Variants in RGS8 observed in about 807,000 individuals in gnomAD.
RGS8 encodes the protein regulator of G protein signaling 8, also known as regulator of G-protein signaling 8.
In RGS8, 8 loss-of-function variants were observed where a neutral mutation model predicts 21.7. The observed-to-expected ratio is 0.37, with a 90% confidence interval of 0.22 to 0.66. The LOEUF (loss-of-function observed/expected upper bound fraction) is 0.66. RGS8 is among the 30% of genes least tolerant of loss of function. The pLI is 0.59. For synonymous variants in RGS8, 80 were observed against 83.6 expected, an observed-to-expected ratio of 0.96 and a Z score of 0.24; for missense variants, 157 against 217.9, an observed-to-expected ratio of 0.72 and a Z score of 1.76.
At chr1:182,651,778 G>A (rs918806340) in intron 5 of RGS8, among the ~76,000 whole-genome samples, 6 of 152,218 alleles carry the variant, frequency 3.9e-5, no homozygotes, top group Non-Finnish European at 8.8e-5. Context: ...AGGGACCCCT[G>A]AGGCAGAGGC....
the RGS8 span, among the ~76,000 whole-genome samples, chr1:182,727,537 C>A: frequency 1.3e-5 from 2 of 152,096 alleles, no homozygotes; most frequent in Non-Finnish European, 2.9e-5. Context: ...AAAAATAGAA[C>A]CTTTTCTTGA....
chr1:182,664,540 A>T (rs759522948), intron 5 of RGS8, among the ~76,000 whole-genome samples: 1 of 152,226 alleles, frequency 6.6e-6, no homozygotes, highest in Non-Finnish European at 1.5e-5. Flanking sequence ...GAAGGCGTAC[A>T]TTGGTAGTGA....
At chr1:182,669,670 A>G in exon 3 of RGS8, 2 of 1,614,230 alleles carry the variant, frequency 1.2e-6, no homozygotes, top group South Asian at 2.2e-5. Flanking sequence ...GCTTACGGTT[A>G]ACCCTTGGGC....
upstream of RGS8, among the ~76,000 whole-genome samples, chr1:182,674,490 C>T (rs1664293852): frequency 1.3e-5 from 2 of 151,868 alleles, no homozygotes; most frequent in Admixed American, 1.3e-4. Context: ...TCAAAACACT[C>T]CTAAATGCCA....
At chr1:182,707,802 G>A in the RGS8 span, among the ~76,000 whole-genome samples, 1 of 152,116 alleles carries the variant, frequency 6.6e-6, no homozygotes, top group South Asian at 2.1e-4. Context: ...TGCCTCCCGG[G>A]TTCACACCAT....
the RGS8 span, among the ~76,000 whole-genome samples, chr1:182,745,051 C>G: frequency 6.6e-6 from 1 of 152,254 alleles, no homozygotes; most frequent in East Asian, 1.9e-4. Flanking sequence ...GACTAATGAA[C>G]AAATTACTAA....
At chr1:182,713,858 A>T in the RGS8 span, among the ~76,000 whole-genome samples, 1 of 152,244 alleles carries the variant, frequency 6.6e-6, no homozygotes, top group African/African-American at 2.4e-5. Context: ...CACTTTTTAA[A>T]GTAATTTTTT....
At chr1:182,740,943 C>T in the RGS8 span, among the ~76,000 whole-genome samples, 1 of 152,042 alleles carries the variant, frequency 6.6e-6, no homozygotes, top group Admixed American at 6.5e-5. Context: ...AAAAGTCTCC[C>T]ATGTCTACCT....
chr1:182,737,495 T>A, the RGS8 span, among the ~76,000 whole-genome samples: 3 of 152,216 alleles, frequency 2.0e-5, no homozygotes, highest in African/African-American at 7.2e-5. Flanking sequence ...GCTGTTCTCA[T>A]GATAGCAAAT....
chr1:182,694,506 T>A, the RGS8 span, among the ~76,000 whole-genome samples: 2 of 152,132 alleles, frequency 1.3e-5, no homozygotes, highest in Non-Finnish European at 2.9e-5. Flanking sequence ...AGTAAGAACA[T>A]TAAAAAATGC....
At chr1:182,709,383 TC>T in the RGS8 span, among the ~76,000 whole-genome samples, 1 of 151,988 alleles carries the variant, frequency 6.6e-6, no homozygotes, top group Non-Finnish European at 1.5e-5. Context: ...CACACACACA[TC>T]CTTTCCATAC....
At chr1:182,689,268 C>CACACAG, upstream of RGS8, among the ~76,000 whole-genome samples, 1 of 92,110 alleles carries the variant, frequency 1.1e-5, no homozygotes, top group South Asian at 2.7e-4. Context: ...CACACAGACA[C>CACACAG]ACACACACAC....
intron 3 of RGS8, 75 bp downstream of exon 4, chr1:182,669,549 A>G: frequency 6.2e-7 from 1 of 1,609,730 alleles, no homozygotes; most frequent in African/African-American, 1.3e-5. Context: ...GCCAGACTCA[A>G]ATAACAGAGG....
chr1:182,676,682 G>A (rs762804824), upstream of RGS8, among the ~76,000 whole-genome samples: 1 of 152,094 alleles, frequency 6.6e-6, no homozygotes, highest in Non-Finnish European at 1.5e-5. Context: ...ACATCAGAGG[G>A]GACATGGAGA....
At chr1:182,654,714 A>G (rs1272995897) in intron 5 of RGS8, among the ~76,000 whole-genome samples, 1 of 152,238 alleles carries the variant, frequency 6.6e-6, no homozygotes, top group Non-Finnish European at 1.5e-5. Context: ...ATGTGATAAA[A>G]AAAAAACCGT....
At position 182,684,355 on chromosome 1, in the gene RGS8, C is replaced by T; in HGVS notation, n.221+1G>A. Reference sequence around the variant, plus strand: ...GGAAGCAGCTGCTCTTTCTTACCTGCCTGGCGGTGGGCAGCGCAGCTGGGA... The same window carrying T: ...GGAAGCAGCTGCTCTTTCTTACCTGTCTGGCGGTGGGCAGCGCAGCTGGGA... On this transcript the variant is annotated splice_donor_variant and non_coding_transcript_variant, in intron 1 of 4. Coordinates refer to the RGS8 transcript ENST00000515211. The surrounding 1 kb of genome is among the most constrained non-coding windows in gnomAD (Gnocchi z 4.2). The T allele has an allele frequency of 6.5e-6, 1 of 152,838 alleles. No homozygotes were observed. The allele number at this position is 152,838 out of a possible 1,614,324, so 9.5% of individuals were successfully genotyped here. A position where few individuals can be genotyped will look rare whatever the true frequency, so the allele number is the denominator to read the frequency against.
the RGS8 span, among the ~76,000 whole-genome samples, chr1:182,694,858 G>C: frequency 2.7e-5 from 4 of 148,458 alleles, no homozygotes; most frequent in African/African-American, 9.9e-5. Flanking sequence ...ATAAAATAAA[G>C]AAAATTTTAA....
chr1:182,704,141 C>T, the RGS8 span, among the ~76,000 whole-genome samples: 30 of 152,176 alleles, frequency 2.0e-4, no homozygotes, highest in East Asian at 1.9e-4. Flanking sequence ...GGAATTCAGA[C>T]GAATAGTGAT....
chr1:182,711,439 C>T, the RGS8 span, among the ~76,000 whole-genome samples: 1 of 152,184 alleles, frequency 6.6e-6, no homozygotes, highest in Non-Finnish European at 1.5e-5. Flanking sequence ...ACTTTACCTG[C>T]AACGTTTGAT....
Sources: allele counts gnomAD v4.1 joint callset (sites outside exome capture counted in the v4.1 genomes callset), GRCh38; gene constraint gnomAD v4.1.1; non-coding constraint Gnocchi (gnomAD v3.1); transcripts MANE v1.5; gene names NCBI Gene and HGNC (gene_info 2026-07-23, HGNC 2026-07-21).